Variants in ERC2 observed in about 807,000 individuals in gnomAD.
The protein encoded by ERC2 is ERC protein 2.
In ERC2, 42 loss-of-function variants were observed where a neutral mutation model predicts 114.8. The observed-to-expected ratio is 0.37, with a 90% CI of 0.29 to 0.47. The LOEUF is 0.47. Ranked by LOEUF, ERC2 falls within the 20% of genes least tolerant of loss-of-function variation. The pLI is 0.99. For synonymous variants in ERC2, 454 were observed against 425.5 expected (o/e 1.07, Z -0.82); for missense variants, 939 against 1,150.7 (o/e 0.82, Z 2.66).
chr3:56,132,510 G>A (rs1433858024), intron 6 of ERC2, among the ~76,000 whole-genome samples: 2 of 152,274 alleles, frequency 1.3e-5, no homozygotes, highest in East Asian at 1.9e-4. Flanking sequence ...TGCTGCTTCT[G>A]TTAAAAATTC....
chr3:56,009,714 A>G (rs2072768314), intron 9 of ERC2, among the ~76,000 whole-genome samples: 1 of 152,158 alleles, frequency 6.6e-6, no homozygotes, highest in South Asian at 2.1e-4. Context: ...TGCTGCTCAT[A>G]CTTCTCCACC....
intron 17 of ERC2, among the ~76,000 whole-genome samples, chr3:55,616,403 A>C (rs1292080734): frequency 6.6e-6 from 1 of 152,232 alleles, no homozygotes; most frequent in Non-Finnish European, 1.5e-5. Flanking sequence ...TTCTCATTTT[A>C]TACAGATACG....
chr3:55,861,662 T>A (rs1156593743), intron 14 of ERC2, among the ~76,000 whole-genome samples: 2 of 152,182 alleles, frequency 1.3e-5, no homozygotes, highest in Non-Finnish European at 2.9e-5. Flanking sequence ...TTGAACTGGA[T>A]TAGCAAATTA....
chr3:56,337,368 G>A (rs1476803484), intron 2 of ERC2, among the ~76,000 whole-genome samples: 1 of 152,172 alleles, frequency 6.6e-6, no homozygotes, highest in African/African-American at 2.4e-5. Context: ...AGGTTTTGGA[G>A]TCAAAGAGAT....
intron 14 of ERC2, among the ~76,000 whole-genome samples, chr3:55,837,970 T>TA (rs1491438466): frequency 4.8e-5 from 6 of 126,176 alleles, no homozygotes; most frequent in African/African-American, 1.2e-4. Flanking sequence ...TTACCAGGAA[T>TA]TAAAAAAAAA....
chr3:56,065,721 C>G (rs939662181), intron 7 of ERC2, among the ~76,000 whole-genome samples: 1 of 151,918 alleles, frequency 6.6e-6, no homozygotes, highest in South Asian at 2.1e-4. Flanking sequence ...ACTGACTGGC[C>G]CTGGTGTGTG....
chr3:56,450,435 T>G (rs1395197461), intron 1 of ERC2, among the ~76,000 whole-genome samples: 2 of 152,214 alleles, frequency 1.3e-5, no homozygotes, highest in African/African-American at 4.8e-5. Flanking sequence ...CTCCATCAAT[T>G]TATTTCAAAG....
At chr3:56,092,852 T>C (rs1442371463) in intron 6 of ERC2, among the ~76,000 whole-genome samples, 2 of 152,184 alleles carry the variant, frequency 1.3e-5, no homozygotes. Flanking sequence ...GGTAAGCACA[T>C]TAAATGTAAG....
intron 17 of ERC2, among the ~76,000 whole-genome samples, chr3:55,579,944 T>C (rs1418871250): frequency 6.6e-6 from 1 of 152,238 alleles, no homozygotes; most frequent in African/African-American, 2.4e-5. Context: ...ATCTACACAT[T>C]CCATGCTAAG....
chr3:55,671,193 A>G (rs1195612361), intron 17 of ERC2, among the ~76,000 whole-genome samples: 2 of 152,262 alleles, frequency 1.3e-5, no homozygotes, highest in South Asian at 2.1e-4. Flanking sequence ...TATTTTGATA[A>G]CAGAGAATAC....
chr3:56,296,266 T>A lies in ERC2; in HGVS notation c.827A>T (p.Glu276Val). The A allele has an allele frequency of 6.2e-7, 1 of 1,613,980 alleles. No homozygotes were observed. Among genetic ancestry groups the A allele is most frequent in the African/African-American group, 1.3e-5 (1 of 75,020 alleles). The change falls in exon 3 of 18, where the codon GAG becomes GTG. Residue 276 changes from glutamate (E) to valine (V), a missense_variant. Glu to Val is a moderately radical substitution (Grantham distance 121). This residue lies in a region of ERC2 where 33 missense variants were observed against 75.6 expected (regional missense o/e 0.44). Coordinates refer to ENST00000288221, the MANE Select transcript of ERC2 (RefSeq NM_015576.3). Reference sequence around the variant, plus strand: ...TAATGTCTTCCTCAAAAGGAACAGCTCCTTAGCCTGCCTGTCATGCTCGGC... The same window carrying A: ...TAATGTCTTCCTCAAAAGGAACAGCACCTTAGCCTGCCTGTCATGCTCGGC... ...LQAEHDRQAK[E>V]LFLLRKTLEE... is the part of the protein sequence containing the mutation.
At chr3:56,297,034 G>A (rs2055490921) in intron 2 of ERC2, among the ~76,000 whole-genome samples, 1 of 152,048 alleles carries the variant, frequency 6.6e-6, no homozygotes, top group Non-Finnish European at 1.5e-5. Context: ...ACACAAGGAG[G>A]TGAGGCTGCA....
chr3:55,837,064 C>T (rs1045221870), intron 14 of ERC2, among the ~76,000 whole-genome samples: 2 of 152,186 alleles, frequency 1.3e-5, no homozygotes, highest in African/African-American at 4.8e-5. Context: ...GATACCATCT[C>T]ACACCAGTTA....
intron 13 of ERC2, among the ~76,000 whole-genome samples, chr3:55,936,894 T>C (rs1290082334): frequency 6.6e-6 from 1 of 152,152 alleles, no homozygotes; most frequent in Non-Finnish European, 1.5e-5. Flanking sequence ...CGGATGCTGT[T>C]TTCTAAATGA....
chr3:55,590,992 C>A (rs1040360485), intron 17 of ERC2, among the ~76,000 whole-genome samples: 1 of 152,110 alleles, frequency 6.6e-6, no homozygotes, highest in African/African-American at 2.4e-5. Flanking sequence ...CCACGTCCAG[C>A]TAATTTTTGT....
At chr3:56,099,129 G>A (rs926731138) in intron 6 of ERC2, among the ~76,000 whole-genome samples, 5 of 152,166 alleles carry the variant, frequency 3.3e-5, no homozygotes, top group Middle Eastern at 3.2e-3. Flanking sequence ...AGAAGGCCAC[G>A]TGAGGACAAG....
intron 14 of ERC2, among the ~76,000 whole-genome samples, chr3:55,860,145 A>G (rs2061968303): frequency 6.6e-6 from 1 of 152,128 alleles, no homozygotes; most frequent in Non-Finnish European, 1.5e-5. Flanking sequence ...TGCCCCAGTG[A>G]TGTTATAACC....
chr3:56,281,393 C>T (rs1339893689), intron 3 of ERC2, among the ~76,000 whole-genome samples: 4 of 116,642 alleles, frequency 3.4e-5, no homozygotes, highest in African/African-American at 1.2e-4. Context: ...GCCGAGATCC[C>T]GCCACTGCAC....
rs66602607 is a variant in ERC2 at position 55,553,011 on chromosome 3, A to ATTTTTT, written c.*40-41741_*40-41736dup. 2.8e-3 allele frequency among the ~76,000 whole-genome samples: 155 copies of ATTTTTT among 55,180 alleles called. 26 individuals carry two copies. The highest frequency in any genetic ancestry group is 9.3e-3 in the African/African-American group (139 of 14,950). The allele number at this position is 55,180 out of a possible 152,430, so 36.2% of individuals were successfully genotyped here. A position where few individuals can be genotyped will look rare whatever the true frequency, so the allele number is the denominator to read the frequency against. On this transcript the variant is annotated intron_variant, in intron 17 of 17. Coordinates refer to ENST00000288221, the MANE Select transcript of ERC2 (RefSeq NM_015576.3). ...GTCGTTATTATTGTGGGGCTTCCAG[A>ATTTTTT]TTTTTTTTTTTTTTTTTTTTTTTTT...
Sources: allele counts gnomAD v4.1 joint callset (sites outside exome capture counted in the v4.1 genomes callset), GRCh38; gene constraint gnomAD v4.1.1; regional missense constraint gnomAD v4.1.1; transcripts MANE v1.5; gene names NCBI Gene and HGNC (gene_info 2026-07-23, HGNC 2026-07-21).